ITGA9: variants seen among roughly 807,000 people sequenced by gnomAD.
The protein encoded by ITGA9 is integrin alpha-9.
Under a neutral mutation model 127.8 loss-of-function variants are expected in ITGA9, and 56 were observed. The observed-to-expected ratio is 0.44, with a 90% confidence interval of 0.35 to 0.55. The LOEUF is 0.55. Ranked by LOEUF, ITGA9 falls within the 20% of genes least tolerant of loss-of-function variation. The pLI is 0.00. For synonymous variants in ITGA9, 508 were observed against 514.5 expected, an observed-to-expected ratio of 0.99 and a Z score of 0.17; for missense variants, 1,196 against 1,347.1, an observed-to-expected ratio of 0.89 and a Z score of 1.76.
chr3:37,679,225 A>G (rs1700711778), intron 17 of ITGA9, among the ~76,000 whole-genome samples: 1 of 151,944 alleles, frequency 6.6e-6, no homozygotes, highest in African/African-American at 2.4e-5. Flanking sequence ...ATAAAAAGGG[A>G]AATTTCTCAG....
intron 27 of ITGA9, among the ~76,000 whole-genome samples, chr3:37,816,905 C>T (rs1342944015): frequency 6.6e-6 from 1 of 152,320 alleles, no homozygotes; most frequent in East Asian, 1.9e-4. Flanking sequence ...ACCACCTTAT[C>T]GACTTCCCCT....
chr3:37,559,274 GCA>G (rs10569609), intron 15 of ITGA9, among the ~76,000 whole-genome samples: 79,864 of 150,612 alleles, frequency 0.53, 21,461 homozygotes, highest in African/African-American at 0.61. Context: ...AACTATGTGA[GCA>G]CACACACACA....
At chr3:37,691,592 CAA>C in intron 18 of ITGA9, among the ~76,000 whole-genome samples, 1 of 152,148 alleles carries the variant, frequency 6.6e-6, no homozygotes, top group Non-Finnish European at 1.5e-5. Context: ...ATGAGCCAAA[CAA>C]AACATGTCCA....
At chr3:37,570,432 G>A (rs1699589590) in intron 15 of ITGA9, among the ~76,000 whole-genome samples, 1 of 152,184 alleles carries the variant, frequency 6.6e-6, no homozygotes, top group Non-Finnish European at 1.5e-5. Flanking sequence ...TGATAGGCTT[G>A]GTATTGCTGG....
intron 2 of ITGA9, 144 bp downstream of exon 2, chr3:37,471,278 G>C: frequency 1.0e-6 from 1 of 956,858 alleles, no homozygotes; most frequent in Non-Finnish European, 1.7e-6. Context: ...AGCATGTATT[G>C]AGTACGTAAT....
intron 15 of ITGA9, among the ~76,000 whole-genome samples, chr3:37,572,753 G>A (rs1295245282): frequency 6.6e-6 from 1 of 152,186 alleles, no homozygotes. Context: ...GATGCTAACA[G>A]TGTACATTCT....
chr3:37,658,493 G>A (rs987460287), intron 17 of ITGA9, among the ~76,000 whole-genome samples: 2 of 152,058 alleles, frequency 1.3e-5, no homozygotes, highest in Non-Finnish European at 2.9e-5. Flanking sequence ...TTTTATCAGA[G>A]ACTAGGATTG....
At chr3:37,495,388 T>G (rs1214019902) in intron 5 of ITGA9, among the ~76,000 whole-genome samples, 3 of 152,222 alleles carry the variant, frequency 2.0e-5, no homozygotes, top group Non-Finnish European at 2.9e-5. Context: ...GACTGTTTTC[T>G]TGTGTCATTC....
intron 23 of ITGA9, among the ~76,000 whole-genome samples, chr3:37,751,207 G>A (rs755582034): frequency 2.6e-5 from 4 of 152,326 alleles, no homozygotes; most frequent in African/African-American, 4.8e-5. Context: ...CACTCCTCCC[G>A]AGATGCCAGC....
chr3:37,480,423 A>G (rs905339889), intron 3 of ITGA9, among the ~76,000 whole-genome samples: 7 of 152,132 alleles, frequency 4.6e-5, no homozygotes, highest in Non-Finnish European at 1.0e-4. Flanking sequence ...ATGCACCCCA[A>G]GACCCTTGGC....
chr3:37,652,798 G>A (rs2125647026), intron 16 of ITGA9, among the ~76,000 whole-genome samples: 1 of 152,340 alleles, frequency 6.6e-6, no homozygotes, highest in Non-Finnish European at 1.5e-5. Context: ...AATGAGCAAA[G>A]CCATCTAACA....
chr3:37,736,194 A>AT (rs1442993502), intron 19 of ITGA9, among the ~76,000 whole-genome samples: 4 of 152,120 alleles, frequency 2.6e-5, no homozygotes, highest in Admixed American at 1.3e-4. Context: ...ATACCATCAC[A>AT]TAGGGGGGTT....
intron 16 of ITGA9, among the ~76,000 whole-genome samples, chr3:37,639,943 G>A (rs1162479415): frequency 6.6e-6 from 1 of 152,132 alleles, no homozygotes; most frequent in African/African-American, 2.4e-5. Flanking sequence ...CCTCAGCTGA[G>A]CATACCAATG....
intron 23 of ITGA9, among the ~76,000 whole-genome samples, chr3:37,772,364 C>T (rs1696855059): frequency 6.6e-6 from 1 of 151,780 alleles, no homozygotes; most frequent in Admixed American, 6.6e-5. Flanking sequence ...GCCAAGATCG[C>T]ACCACTGCAC....
At chr3:37,514,763 G>A (rs147518529) in intron 9 of ITGA9, among the ~76,000 whole-genome samples, 16 of 152,250 alleles carry the variant, frequency 1.1e-4, no homozygotes, top group African/African-American at 3.9e-4. Context: ...AGTAGAGATG[G>A]GGTTTCACCA....
intron 17 of ITGA9, among the ~76,000 whole-genome samples, chr3:37,666,270 G>C (rs1700585486): frequency 6.6e-6 from 1 of 152,226 alleles, no homozygotes; most frequent in Admixed American, 6.5e-5. Context: ...ATAATTGAGT[G>C]AGCAGTGCAG....
chr3:37,637,217 C>T (rs1388321143), intron 16 of ITGA9, among the ~76,000 whole-genome samples: 1 of 152,076 alleles, frequency 6.6e-6, no homozygotes, highest in African/African-American at 2.4e-5. Flanking sequence ...TATAAATTAC[C>T]TTGGGCAGTA....
intron 26 of ITGA9, among the ~76,000 whole-genome samples, chr3:37,791,905 T>G (rs759564024): frequency 2.4e-4 from 36 of 152,380 alleles, no homozygotes; most frequent in Non-Finnish European, 4.3e-4. Context: ...CTGCTTTTAC[T>G]GTCATGAAAT....
rs73053272 is a variant in ITGA9 at position 37,474,124 on chromosome 3, G to A, written c.420+664G>A. 8.5e-3 allele frequency among the ~76,000 whole-genome samples: 1,292 copies of A among 151,862 alleles called. 7 individuals are homozygous for A. Among genetic ancestry groups the A allele is most frequent in the Middle Eastern group, 0.02 (6 of 294 alleles). Reference sequence around the variant, plus strand: ...TGTTATTTTTAACTAGTTATTTATCGGACCTCCAAAGCACCTATGCTGTAT... The same window carrying A: ...TGTTATTTTTAACTAGTTATTTATCAGACCTCCAAAGCACCTATGCTGTAT... On this transcript the variant is annotated intron_variant, in intron 3 of 27. Coordinates refer to ENST00000264741, the MANE Select transcript of ITGA9 (RefSeq NM_002207.3).
Sources: gnomAD v4.1 joint callset for allele counts (sites outside exome capture counted in the v4.1 genomes callset) on GRCh38, gnomAD v4.1.1 for gene constraint, MANE v1.5 for transcripts, NCBI Gene and HGNC (gene_info 2026-07-23, HGNC 2026-07-21) for gene names.